The following RASA1 variants were observed in gnomAD, a reference collection of about 807,000 sequenced individuals.
The protein encoded by RASA1 is ras GTPase-activating protein 1.
RASA1 carries 25 observed loss-of-function variants against 132.2 expected under a neutral mutation model. The ratio of observed to expected loss-of-function variants is 0.19; its 90% CI spans 0.14 to 0.26. The LOEUF is 0.26. Among genes scored for constraint, RASA1 ranks in the 10% least tolerant of loss-of-function variants. The pLI is 1.00. For missense variants in RASA1, 964 were observed against 1,299.2 expected, an observed-to-expected ratio of 0.74 and a Z score of 3.97; for synonymous variants, 477 against 449.9, an observed-to-expected ratio of 1.06 and a Z score of -0.76.
At chr5:87,313,243 G>A (rs1173329955) in intron 1 of RASA1, among the ~76,000 whole-genome samples, 16 of 152,164 alleles carry the variant, frequency 1.1e-4, no homozygotes. Flanking sequence ...GGCACAGGTG[G>A]TCTTTAGCTA....
chr5:87,314,718 G>A (rs1486332738), intron 1 of RASA1, among the ~76,000 whole-genome samples: 2 of 152,002 alleles, frequency 1.3e-5, no homozygotes, highest in Admixed American at 1.3e-4. Context: ...GAAAGGCTGT[G>A]GGACGAATGA....
intron 20 of RASA1, among the ~76,000 whole-genome samples, chr5:87,382,794 GTT>G (rs1761810073): frequency 6.6e-6 from 1 of 152,026 alleles, no homozygotes; most frequent in Admixed American, 6.6e-5. Flanking sequence ...TGTCTTAAAA[GTT>G]TTTCAGGCTG....
At chr5:87,381,250 A>G (rs1251259505) in intron 20 of RASA1, among the ~76,000 whole-genome samples, 1 of 152,212 alleles carries the variant, frequency 6.6e-6, no homozygotes, top group Non-Finnish European at 1.5e-5. Flanking sequence ...AGTTGAACTA[A>G]GGTTTTATAG....
intron 6 of RASA1, among the ~76,000 whole-genome samples, chr5:87,342,330 T>C (rs1424908320): frequency 1.3e-5 from 2 of 152,064 alleles, no homozygotes; most frequent in Non-Finnish European, 2.9e-5. Flanking sequence ...GGCTGGTTAT[T>C]GTACCTTTAG....
At chr5:87,329,740 T>G (rs1275875894) in intron 1 of RASA1, among the ~76,000 whole-genome samples, 3 of 152,192 alleles carry the variant, frequency 2.0e-5, no homozygotes, top group African/African-American at 7.2e-5. Flanking sequence ...CTGGGATAGT[T>G]CTACTGCTTT....
intron 1 of RASA1, among the ~76,000 whole-genome samples, chr5:87,287,495 T>TAC (rs1243569267): frequency 1.5e-5 from 2 of 135,944 alleles, no homozygotes; most frequent in Non-Finnish European, 3.1e-5. Context: ...ACCATATATA[T>TAC]ACACCATATA....
At chr5:87,274,850 A>G (rs1753996872) in intron 1 of RASA1, among the ~76,000 whole-genome samples, 1 of 152,252 alleles carries the variant, frequency 6.6e-6, no homozygotes, top group Non-Finnish European at 1.5e-5. Context: ...TCAGGAAAAC[A>G]TAATTATGAA....
At chr5:87,270,683 T>G (rs963052436) in intron 1 of RASA1, among the ~76,000 whole-genome samples, 9 of 116,784 alleles carry the variant, frequency 7.7e-5, no homozygotes, top group African/African-American at 1.5e-4. Flanking sequence ...TTTTTTTTTT[T>G]GGATAAGCTT....
At chr5:87,297,916 A>G (rs1007712363) in intron 1 of RASA1, among the ~76,000 whole-genome samples, 3 of 151,988 alleles carry the variant, frequency 2.0e-5, no homozygotes, top group African/African-American at 4.8e-5. Context: ...TTCCCAAGGA[A>G]GTTTCTGCTT....
intron 1 of RASA1, among the ~76,000 whole-genome samples, chr5:87,283,095 C>T (rs1411647379): frequency 6.8e-6 from 1 of 146,658 alleles, no homozygotes; most frequent in Non-Finnish European, 1.5e-5. Flanking sequence ...TGAAATTTAT[C>T]TCCTTTGATC....
At position 87,268,283 on chromosome 5, in the gene RASA1, G is replaced by C; in HGVS notation, c.-169G>C. 1.0e-6 allele frequency: 1 copy of C among 993,940 alleles called. No individual in the cohort carries two copies. Among genetic ancestry groups the C allele is most frequent in the Non-Finnish European group, 1.4e-6 (1 of 700,678 alleles). The allele number at this position is 993,940 out of a possible 1,614,324, so 61.6% of individuals were successfully genotyped here. On this transcript the variant is annotated 5_prime_UTR_variant, in exon 1 of 25. Coordinates refer to ENST00000274376, the MANE Select transcript of RASA1 (RefSeq NM_002890.3). ...CCCAGGCAGCTGGGGAGCCTGGGCTGTGGCCCTAGGAGGGGGCGCGGCGGC... is the reference window on the plus strand; with the variant it reads ...CCCAGGCAGCTGGGGAGCCTGGGCTCTGGCCCTAGGAGGGGGCGCGGCGGC...
chr5:87,369,937 A>C, intron 12 of RASA1, 37 bp downstream of exon 12: 1 of 1,489,444 alleles, frequency 6.7e-7, no homozygotes, highest in East Asian at 2.3e-5. Context: ...GTATACTTTT[A>C]TGTTAGCCCA....
At position 87,369,597 on chromosome 5, in the gene RASA1, T is replaced by C. The variant is rs765590149; in HGVS notation, c.1611-216T>C. ...AATTGAAATTTCTTTAGTTTACACTTTGAAATACTGATAACATTTTAATAG... is the reference window on the plus strand; with the variant it reads ...AATTGAAATTTCTTTAGTTTACACTCTGAAATACTGATAACATTTTAATAG... On this transcript the variant is annotated intron_variant, in intron 11 of 24. Coordinates refer to ENST00000274376, the MANE Select transcript of RASA1 (RefSeq NM_002890.3). Among the ~76,000 whole-genome samples the C allele has an allele frequency of 3.3e-5, 5 of 152,272 alleles. No individual in the cohort carries two copies. The Middle Eastern group carries it at 0.01, about 311-fold the overall frequency.
At chr5:87,331,186 A>G (rs1757570557) in intron 1 of RASA1, 162 bp from the exon 2 acceptor site, 1 of 958,948 alleles carries the variant, frequency 1.0e-6, no homozygotes, top group Non-Finnish European at 1.6e-6. Flanking sequence ...TTTGAGACTG[A>G]GGTTAAATTG....
At chr5:87,326,096 C>T (rs543867401) in intron 1 of RASA1, among the ~76,000 whole-genome samples, 8 of 152,168 alleles carry the variant, frequency 5.3e-5, no homozygotes, top group African/African-American at 1.9e-4. Context: ...CTCAGCCTCT[C>T]GAGTAGCTGG....
chr5:87,338,535 A>ATTTTTTTT (rs1561292521), intron 5 of RASA1, among the ~76,000 whole-genome samples: 25 of 95,892 alleles, frequency 2.6e-4, no homozygotes, highest in South Asian at 1.9e-3. Flanking sequence ...ATATATATAA[A>ATTTTTTTT]ATTTTTTTTT....
intron 5 of RASA1, among the ~76,000 whole-genome samples, chr5:87,340,214 A>G (rs1022549542): frequency 6.6e-6 from 1 of 152,122 alleles, no homozygotes; most frequent in Non-Finnish European, 1.5e-5. Context: ...TTATGAGCTC[A>G]GTTCATATGT....
intron 12 of RASA1, among the ~76,000 whole-genome samples, chr5:87,370,615 G>A (rs1286628801): frequency 6.6e-6 from 1 of 152,116 alleles, no homozygotes; most frequent in Admixed American, 6.6e-5. Context: ...GAGTAAGATC[G>A]AGACACTGTA....
At chr5:87,338,533 A>ATATATATATATATATATATCT (rs1491365794) in intron 5 of RASA1, among the ~76,000 whole-genome samples, 1 of 91,326 alleles carries the variant, frequency 1.1e-5, no homozygotes, top group Non-Finnish European at 2.0e-5. Context: ...ATATATATAT[A>ATATATATATATATATATATCT]AAATTTTTTT....
Sources: gnomAD v4.1 joint callset for allele counts (sites outside exome capture counted in the v4.1 genomes callset) on GRCh38, gnomAD v4.1.1 for gene constraint, MANE v1.5 for transcripts, NCBI Gene and HGNC (gene_info 2026-07-23, HGNC 2026-07-21) for gene names.